The following TLL1 variants were observed in gnomAD, a reference collection of about 807,000 sequenced individuals.
TLL1 encodes tolloid-like protein 1.
TLL1 carries 49 observed loss-of-function variants against 128.2 expected under a neutral mutation model. The ratio of observed to expected loss-of-function variants is 0.38; its 90% CI spans 0.30 to 0.48. The LOEUF (loss-of-function observed/expected upper bound fraction) is 0.48. TLL1 is among the 20% of genes least tolerant of loss of function. TLL1 has a pLI of 0.96. For synonymous variants in TLL1, 454 were observed against 418.8 expected (o/e 1.08, Z -1.03); for missense variants, 1,123 against 1,242.0 (o/e 0.90, Z 1.44).
At chr4:166,016,808 T>C (rs1312402469) in intron 8 of TLL1, among the ~76,000 whole-genome samples, 1 of 151,928 alleles carries the variant, frequency 6.6e-6, no homozygotes, top group East Asian at 1.9e-4. Flanking sequence ...TACATACAGA[T>C]ATATAGAGAG....
intron 1 of TLL1, among the ~76,000 whole-genome samples, chr4:165,879,316 A>G (rs1349004217): frequency 6.6e-6 from 1 of 151,982 alleles, no homozygotes; most frequent in East Asian, 1.9e-4. Context: ...GTCTTCCTCT[A>G]TTGTGTATGC....
At chr4:165,994,721 T>A (rs903749572) in intron 4 of TLL1, among the ~76,000 whole-genome samples, 188 bp downstream of exon 4, 2 of 152,190 alleles carry the variant, frequency 1.3e-5, no homozygotes, top group Non-Finnish European at 2.9e-5. Context: ...GGTATTGTGT[T>A]CTAAGAGTTT....
chr4:165,929,890 C>G (rs1159313948), intron 1 of TLL1, among the ~76,000 whole-genome samples: 2 of 152,192 alleles, frequency 1.3e-5, no homozygotes, highest in African/African-American at 4.8e-5. Flanking sequence ...TATTTTTCCA[C>G]TCTTGATATC....
chr4:165,958,027 A>G (rs1483497492), intron 1 of TLL1, among the ~76,000 whole-genome samples: 1 of 151,182 alleles, frequency 6.6e-6, no homozygotes, highest in African/African-American at 2.4e-5. Context: ...ATGTCCCTAC[A>G]AAGGACATGA....
At chr4:165,945,965 A>G (rs1051682815) in intron 1 of TLL1, among the ~76,000 whole-genome samples, 11 of 152,194 alleles carry the variant, frequency 7.2e-5, no homozygotes, top group African/African-American at 2.7e-4. Context: ...TCTTAAAAGC[A>G]TAAGAAAACA....
At chr4:165,984,843 G>A (rs1736328765) in intron 1 of TLL1, among the ~76,000 whole-genome samples, 1 of 151,896 alleles carries the variant, frequency 6.6e-6, no homozygotes, top group Non-Finnish European at 1.5e-5. Flanking sequence ...CTTTAAAAAT[G>A]TTTATAACAG....
chr4:165,914,625 T>A (rs544264503), intron 1 of TLL1, among the ~76,000 whole-genome samples: 3 of 152,342 alleles, frequency 2.0e-5, no homozygotes, highest in Admixed American at 6.5e-5. Flanking sequence ...GCAAACGGTA[T>A]GGAATTCATT....
chr4:166,032,101 TA>T (rs1178567781), intron 9 of TLL1, among the ~76,000 whole-genome samples: 2 of 152,086 alleles, frequency 1.3e-5, no homozygotes, highest in African/African-American at 4.8e-5. Flanking sequence ...TTCTTTTCTC[TA>T]AAATCAAAAT....
intron 20 of TLL1, 76 bp downstream of exon 20, chr4:166,099,603 T>A: frequency 6.6e-7 from 1 of 1,508,346 alleles, no homozygotes; most frequent in Non-Finnish European, 9.1e-7. Flanking sequence ...TGTGTACCAT[T>A]CACAAGTTGG....
intron 7 of TLL1, 152 bp downstream of exon 7, chr4:166,008,200 C>A: frequency 1.9e-6 from 1 of 539,540 alleles, no homozygotes; most frequent in Non-Finnish European, 3.3e-6. Flanking sequence ...CATTTATAGA[C>A]AAGAGCAAGT....
At chr4:165,893,309 C>T (rs1168129254) in intron 1 of TLL1, among the ~76,000 whole-genome samples, 1 of 152,136 alleles carries the variant, frequency 6.6e-6, no homozygotes, top group Non-Finnish European at 1.5e-5. Flanking sequence ...GTTCTCAAGA[C>T]ACTGGGCATC....
At chr4:166,078,968 T>C (rs904532472) in intron 18 of TLL1, among the ~76,000 whole-genome samples, 1 of 152,178 alleles carries the variant, frequency 6.6e-6, no homozygotes, top group African/African-American at 2.4e-5. Context: ...CTTATTTATG[T>C]ACAACATTAT....
intron 8 of TLL1, among the ~76,000 whole-genome samples, chr4:166,018,155 A>C (rs1209965019): frequency 6.6e-6 from 1 of 152,164 alleles, no homozygotes; most frequent in Non-Finnish European, 1.5e-5. Context: ...CTTTTGTCAG[A>C]AATTCCTGGT....
At chr4:166,015,256 A>G (rs1737881243) in intron 8 of TLL1, among the ~76,000 whole-genome samples, 1 of 152,022 alleles carries the variant, frequency 6.6e-6, no homozygotes, top group Non-Finnish European at 1.5e-5. Context: ...TTAACTTTGC[A>G]TAACACAGTC....
chr4:165,979,712 C>T (rs576261899), intron 1 of TLL1, among the ~76,000 whole-genome samples: 1 of 152,160 alleles, frequency 6.6e-6, no homozygotes, highest in East Asian at 1.9e-4. Context: ...TTCTTGAGCC[C>T]AAGGAATTTG....
chr4:166,077,189 A>C (rs1391986543), intron 17 of TLL1, among the ~76,000 whole-genome samples: 1 of 151,698 alleles, frequency 6.6e-6, no homozygotes, highest in Non-Finnish European at 1.5e-5. Context: ...AACATTAACC[A>C]TGTGGAATGA....
At chr4:166,060,719 A>G (rs1374668204) in intron 15 of TLL1, among the ~76,000 whole-genome samples, 1 of 152,224 alleles carries the variant, frequency 6.6e-6, no homozygotes, top group Non-Finnish European at 1.5e-5. Flanking sequence ...AGCTTACTCT[A>G]CTAAAGGTAC....
intron 1 of TLL1, among the ~76,000 whole-genome samples, chr4:165,883,753 C>T (rs1731059914): frequency 6.6e-6 from 1 of 152,162 alleles, no homozygotes; most frequent in East Asian, 1.9e-4. Context: ...CATTTCATAT[C>T]TCAAGTCCTC....
At chr4:166,072,047 A>G (rs550362798) in intron 16 of TLL1, among the ~76,000 whole-genome samples, 58 of 152,092 alleles carry the variant, frequency 3.8e-4, no homozygotes, top group African/African-American at 1.1e-3. Context: ...CTCTTTTCAT[A>G]TGACTATTTG....
Sources: gnomAD v4.1 joint callset for allele counts (sites outside exome capture counted in the v4.1 genomes callset) on GRCh38, gnomAD v4.1.1 for gene constraint, MANE v1.5 for transcripts, NCBI Gene and HGNC (gene_info 2026-07-23, HGNC 2026-07-21) for gene names.